Variants in ABCA12 observed in about 807,000 individuals in gnomAD.
The protein encoded by ABCA12 is glucosylceramide transporter ABCA12.
A neutral mutation model predicts 293.5 loss-of-function variants in ABCA12; 156 were observed. The ratio of observed to expected loss-of-function variants is 0.53; its 90% CI spans 0.47 to 0.61. ABCA12 has a LOEUF of 0.61. Ranked by LOEUF, ABCA12 falls within the 20% of genes least tolerant of loss-of-function variation. ABCA12 has a pLI of 0.00. For synonymous variants in ABCA12, 1,063 were observed against 1,108.0 expected (o/e 0.96, Z 0.81); for missense variants, 2,797 against 3,090.2 (o/e 0.91, Z 2.25).
intron 19 of ABCA12, among the ~76,000 whole-genome samples, chr2:215,007,403 G>C (rs1700277788): frequency 6.6e-6 from 1 of 152,166 alleles, no homozygotes; most frequent in African/African-American, 2.4e-5. Context: ...GTAATTTAAA[G>C]GAGAGAAATC....
chr2:215,009,445 C>A (rs1700325362), intron 18 of ABCA12, among the ~76,000 whole-genome samples: 1 of 147,084 alleles, frequency 6.8e-6, no homozygotes, highest in Non-Finnish European at 1.5e-5. Context: ...CACTTGTAAC[C>A]CTGAACTTAA....
At position 214,932,757 on chromosome 2, in the gene ABCA12, A is replaced by G. The variant is rs1698099403; in HGVS notation, c.7681-16T>C. 6.3e-7 allele frequency: 1 copy of G among 1,590,280 alleles called. No homozygotes were observed. The highest frequency in any genetic ancestry group is 2.2e-5 in the East Asian group (1 of 44,702). ...TGATGAAAACCTGATTTTTCAGGGA[A>G]AATAAAGCCATTAATGCCTGGTAAG... On this transcript the variant is annotated splice_polypyrimidine_tract_variant and intron_variant, in intron 52 of 52. Coordinates refer to ENST00000272895, the MANE Select transcript of ABCA12 (RefSeq NM_173076.3).
intron 2 of ABCA12, among the ~76,000 whole-genome samples, chr2:215,083,021 C>T (rs1701972795): frequency 6.6e-6 from 1 of 152,210 alleles, no homozygotes; most frequent in Admixed American, 6.5e-5. Flanking sequence ...TCAAGCCCCA[C>T]ACTCTTTCCA....
intron 6 of ABCA12, among the ~76,000 whole-genome samples, chr2:215,048,754 A>G (rs904631572): frequency 2.6e-5 from 4 of 152,102 alleles, no homozygotes; most frequent in African/African-American, 9.7e-5. Flanking sequence ...GAATCAACCT[A>G]AATGCCCATC....
chr2:215,119,168 A>G (rs1295304937), intron 1 of ABCA12, among the ~76,000 whole-genome samples: 1 of 152,084 alleles, frequency 6.6e-6, no homozygotes, highest in Non-Finnish European at 1.5e-5. Context: ...ACAGGGTTTC[A>G]CCATGTTGAC....
intron 1 of ABCA12, among the ~76,000 whole-genome samples, chr2:215,134,385 C>T (rs186167918): frequency 0.024 from 2,835 of 116,908 alleles, 50 homozygotes; most frequent in South Asian, 0.058. Context: ...TATATATGTA[C>T]ATATATGTAT....
chr2:214,957,027 G>T (rs937820034), intron 41 of ABCA12, among the ~76,000 whole-genome samples: 99 of 152,264 alleles, frequency 6.5e-4, no homozygotes, highest in African/African-American at 2.4e-3. Flanking sequence ...GGAGTCCCTG[G>T]TGTTCCTGCC....
chr2:214,953,472 A>G (rs1383669344), intron 44 of ABCA12, among the ~76,000 whole-genome samples: 1 of 152,200 alleles, frequency 6.6e-6, no homozygotes, highest in African/African-American at 2.4e-5. Context: ...CTCATTGCCA[A>G]CATGCTCCAC....
chr2:215,054,498 T>C (rs567415016), intron 4 of ABCA12, 75 bp downstream of exon 4: 27 of 1,269,746 alleles, frequency 2.1e-5, no homozygotes, highest in Middle Eastern at 1.9e-4. Flanking sequence ...AAGTTTAAAG[T>C]ATAAACCTTT....
intron 3 of ABCA12, among the ~76,000 whole-genome samples, chr2:215,062,561 G>C (rs545741025): frequency 6.6e-6 from 1 of 151,948 alleles, no homozygotes; most frequent in Non-Finnish European, 1.5e-5. Flanking sequence ...GGTCTCTGAG[G>C]TTCCTTTTCT....
chr2:214,950,938 GT>G lies in ABCA12; in HGVS notation c.6792del (p.Gln2264HisfsTer8). ...VQLYCLTKTY[Q>X]LIHKKIIAVN... ...ACAGCTATAATCTTTTTGTGGATAAGTTGGTAGGTCTTTGTGAGACAATAAA... is the reference window on the plus strand; with the variant it reads ...ACAGCTATAATCTTTTTGTGGATAAGTGGTAGGTCTTTGTGAGACAATAAA... On this transcript the variant is annotated frameshift_variant, in exon 45 of 53. Coordinates refer to ENST00000272895, the MANE Select transcript of ABCA12 (RefSeq NM_173076.3). LOFTEE classifies it high-confidence loss of function. 1 of 1,614,180 alleles carries G rather than the reference GT, an allele frequency of 6.2e-7. No individual in the cohort carries two copies. Among genetic ancestry groups the G allele is most frequent in the Non-Finnish European group, 8.5e-7 (1 of 1,180,036 alleles).
At chr2:215,043,104 C>T (rs1701132098) in intron 7 of ABCA12, among the ~76,000 whole-genome samples, 1 of 151,948 alleles carries the variant, frequency 6.6e-6, no homozygotes, top group South Asian at 2.1e-4. Flanking sequence ...TTGGTAATAG[C>T]CATTCTAACT....
At chr2:215,138,012 A>C in intron 1 of ABCA12, 128 bp downstream of exon 1, 1 of 974,946 alleles carries the variant, frequency 1.0e-6, no homozygotes, top group Non-Finnish European at 1.7e-6. Flanking sequence ...TGAATTCTAA[A>C]TATCTTACTT....
At chr2:215,068,743 T>C (rs187879496) in intron 2 of ABCA12, among the ~76,000 whole-genome samples, 1 of 152,230 alleles carries the variant, frequency 6.6e-6, no homozygotes, top group Admixed American at 6.6e-5. Flanking sequence ...TCCTCCCTGC[T>C]CCCCTCTCTG....
At chr2:214,958,781 G>T (rs1699029429) in intron 40 of ABCA12, among the ~76,000 whole-genome samples, 1 of 152,170 alleles carries the variant, frequency 6.6e-6, no homozygotes, top group Non-Finnish European at 1.5e-5. Context: ...TTGAAGTGAT[G>T]TAGCACTTAT....
At chr2:215,123,466 T>C (rs1702850690) in intron 1 of ABCA12, among the ~76,000 whole-genome samples, 1 of 152,174 alleles carries the variant, frequency 6.6e-6, no homozygotes, top group Non-Finnish European at 1.5e-5. Flanking sequence ...CCACTGCACC[T>C]GGCGTCCCAC....
chr2:215,025,640 G>GT (rs1700726335), intron 11 of ABCA12, 33 bp downstream of exon 11: 1 of 1,222,550 alleles, frequency 8.2e-7, no homozygotes. Context: ...TTTTTTTTTT[G>GT]TTTTTTGTTT....
At chr2:215,043,829 C>A (rs1332555290) in intron 7 of ABCA12, among the ~76,000 whole-genome samples, 1 of 152,048 alleles carries the variant, frequency 6.6e-6, no homozygotes, top group Non-Finnish European at 1.5e-5. Flanking sequence ...CATGCAATTG[C>A]TCCTGAATCC....
rs541181462 is a variant in ABCA12 at position 215,010,577 on chromosome 2, C to A, written c.2333-107G>T. 3.7e-5 allele frequency: 44 copies of A among 1,204,440 alleles called. 2 individuals carry two copies. Among genetic ancestry groups the A allele is most frequent in the South Asian group, 3.0e-4 (23 of 76,744 alleles). 74.6% of individuals were successfully genotyped at this position (1,204,440 alleles called of 1,614,324 possible). A position where few individuals can be genotyped will look rare whatever the true frequency, so the allele number is the denominator to read the frequency against. ...CTTATCACACCCAAAAATACATGCTCTAGTACTTCCTATATTATTAACAGA... is the reference window on the plus strand; with the variant it reads ...CTTATCACACCCAAAAATACATGCTATAGTACTTCCTATATTATTAACAGA... On this transcript the variant is annotated intron_variant, in intron 17 of 52. Coordinates refer to ENST00000272895, the MANE Select transcript of ABCA12 (RefSeq NM_173076.3).
Sources: allele counts gnomAD v4.1 joint callset (sites outside exome capture counted in the v4.1 genomes callset), GRCh38; gene constraint gnomAD v4.1.1; transcripts MANE v1.5; gene names NCBI Gene and HGNC (gene_info 2026-07-23, HGNC 2026-07-21).